Variants in TLK1 observed in about 807,000 individuals in gnomAD.
TLK1 encodes tousled like kinase 1.
Under a neutral mutation model 105.3 loss-of-function variants are expected in TLK1, and 24 were observed. That is an observed-to-expected ratio of 0.23 (90% CI 0.17 to 0.32). The LOEUF (loss-of-function observed/expected upper bound fraction) is 0.32, where lower values mean the gene tolerates loss of function less well. TLK1 is among the 10% of genes least tolerant of loss of function. The pLI, the probability that TLK1 is intolerant of heterozygous loss-of-function variation, is 1.00. For synonymous variants in TLK1, 321 were observed against 310.4 expected (o/e 1.03, Z -0.36); for missense variants, 558 against 910.5 (o/e 0.61, Z 4.98).
In TLK1 at chr2:171,160,475, C is replaced by T; in HGVS notation, c.-47G>A. 1 of 1,571,076 alleles carries T rather than the reference C, an allele frequency of 6.4e-7. No homozygotes were observed. Among genetic ancestry groups the T allele is most frequent in the Non-Finnish European group, 8.6e-7 (1 of 1,163,304 alleles). On this transcript the variant is annotated 5_prime_UTR_variant, in exon 1 of 21. Transcript: ENST00000431350. The surrounding 1 kb of genome is among the most constrained non-coding windows in gnomAD (Gnocchi z 4.4). ...GACTCCCCCCCTGCGACGGCAGCGG[C>T]GGCAACGGCACCGGCACCCGCCTCC...
At chr2:171,140,833 G>C (rs968357189) in intron 1 of TLK1, among the ~76,000 whole-genome samples, 8 of 152,124 alleles carry the variant, frequency 5.3e-5, no homozygotes, top group Non-Finnish European at 1.0e-4. Flanking sequence ...AAGGTATCTA[G>C]ATAATTAAGT....
At chr2:171,172,162 A>G (rs1692742316) in intron 1 of TLK1, among the ~76,000 whole-genome samples, 1 of 152,264 alleles carries the variant, frequency 6.6e-6, no homozygotes, top group African/African-American at 2.4e-5. Context: ...GAAGATAGAC[A>G]TGAAAGATTA....
chr2:171,022,326 C>G lies in TLK1; in HGVS notation c.1236+6013G>C, dbSNP rs527444191. On this transcript the variant is annotated intron_variant, in intron 12 of 20. Coordinates refer to ENST00000431350, the MANE Select transcript of TLK1 (RefSeq NM_012290.5). Reference sequence around the variant, plus strand: ...TAGTTCCATGTTCTCTCACCACAGTCATCTTTTTGGGACAACTACTCATTT... The same window carrying G: ...TAGTTCCATGTTCTCTCACCACAGTGATCTTTTTGGGACAACTACTCATTT... Among the ~76,000 whole-genome samples the G allele has an allele frequency of 9.1e-4, 139 of 152,140 alleles. 4 individuals carry two copies. In the South Asian group the frequency reaches 0.028, roughly 31 times the overall value.
chr2:171,187,908 CAG>C, intron 1 of TLK1, among the ~76,000 whole-genome samples: 1 of 152,154 alleles, frequency 6.6e-6, no homozygotes, highest in Middle Eastern at 3.4e-3. Context: ...AATAAAAGAA[CAG>C]AGTGGTATAT....
intron 12 of TLK1, among the ~76,000 whole-genome samples, chr2:171,016,499 C>CACT (rs1685219648): frequency 1.3e-5 from 2 of 152,150 alleles, no homozygotes; most frequent in South Asian, 4.1e-4. Context: ...AATGTGTACC[C>CACT]ACTAGAATTA....
chr2:171,126,620 G>A (rs1379754743), intron 1 of TLK1, among the ~76,000 whole-genome samples: 3 of 152,128 alleles, frequency 2.0e-5, no homozygotes, highest in East Asian at 1.9e-4. Context: ...GTTAATACCA[G>A]TTACCAAAAA....
At chr2:171,085,576 TGACATAAGCTATTCAAG>T (rs1048146693) in intron 2 of TLK1, among the ~76,000 whole-genome samples, 1 of 151,534 alleles carries the variant, frequency 6.6e-6, no homozygotes, top group African/African-American at 2.4e-5. Flanking sequence ...AAAAATGGAG[TGACATAAGCTATTCAAG>T]GAAAGAAAAT....
At chr2:171,133,358 A>G (rs1691180393) in intron 1 of TLK1, among the ~76,000 whole-genome samples, 1 of 152,214 alleles carries the variant, frequency 6.6e-6, no homozygotes, top group South Asian at 2.1e-4. Context: ...GCACTTTGGA[A>G]GGCTGAGGAG....
Position 171,180,238 on chromosome 2 carries a change from C to T in TLK1, c.-6+50907G>A, listed in dbSNP as rs60421398. Among the ~76,000 whole-genome samples, 1,204 of 151,940 alleles carry T rather than the reference C, an allele frequency of 7.9e-3. 14 individuals are homozygous for T. The highest frequency in any genetic ancestry group is 0.028 in the African/African-American group (1,161 of 41,422). ...ACTTTGTCTAAAAAAAAAAAATTGC[C>T]CCCCGGGTCCCTGCGTCTCAATAGG... On this transcript the variant is annotated intron_variant, in intron 1 of 20. Transcript: ENST00000521943.
At chr2:171,089,450 T>A (rs1689127501) in intron 2 of TLK1, among the ~76,000 whole-genome samples, 1 of 152,228 alleles carries the variant, frequency 6.6e-6, no homozygotes, top group South Asian at 2.1e-4. Flanking sequence ...TTTTCTATCA[T>A]GATAAGAGTT....
At chr2:171,126,792 T>A (rs990627633) in intron 1 of TLK1, among the ~76,000 whole-genome samples, 7 of 151,924 alleles carry the variant, frequency 4.6e-5, no homozygotes, top group Admixed American at 2.0e-4. Flanking sequence ...ATAAGCTGAT[T>A]TATAGAGAAC....
intron 1 of TLK1, among the ~76,000 whole-genome samples, chr2:171,216,676 C>T (rs6724085): frequency 0.29 from 43,801 of 151,910 alleles, 7,590 homozygotes; most frequent in African/African-American, 0.47. Flanking sequence ...AGAAGTAGGG[C>T]CATTATAGTT....
chr2:171,016,937 G>T (rs1056913176), intron 12 of TLK1, among the ~76,000 whole-genome samples: 3 of 152,088 alleles, frequency 2.0e-5, no homozygotes, highest in African/African-American at 7.2e-5. Context: ...CTTTCTACAA[G>T]TATTGGGAGA....
chr2:171,196,870 A>G (rs370496233), intron 1 of TLK1, among the ~76,000 whole-genome samples: 11 of 152,364 alleles, frequency 7.2e-5, no homozygotes, highest in African/African-American at 2.6e-4. Context: ...CTATATGAAT[A>G]TAGCTCTAAA....
chr2:171,073,473 T>C (rs1688353630), intron 3 of TLK1, among the ~76,000 whole-genome samples: 1 of 152,144 alleles, frequency 6.6e-6, no homozygotes, highest in Non-Finnish European at 1.5e-5. Flanking sequence ...GGAGCCTGGC[T>C]ACTCAAACAT....
At chr2:171,221,628 A>T (rs1693811982) in intron 1 of TLK1, among the ~76,000 whole-genome samples, 2 of 152,166 alleles carry the variant, frequency 1.3e-5, no homozygotes, top group South Asian at 2.1e-4. Flanking sequence ...TTAACGAGTG[A>T]CTTAAACAAC....
At position 171,152,556 on chromosome 2, in the gene TLK1, TAAAAC is replaced by T. The variant is rs534703908; in HGVS notation, c.139+7729_139+7733del. 1.7e-3 allele frequency among the ~76,000 whole-genome samples: 252 copies of T among 152,272 alleles called. 1 individual carries two copies. The highest frequency in any genetic ancestry group is 3.4e-3 in the Middle Eastern group (1 of 294). On this transcript the variant is annotated intron_variant, in intron 1 of 20. Transcript: ENST00000431350. ...TTGTTGTTGTTAGCAATAAAAGAAT[TAAAAC>T]TAAGTATTTTTTTAAAATACTTTTT... is the stretch of plus-strand genomic sequence containing the variant.
chr2:171,029,315 A>C (rs551939537), intron 11 of TLK1, among the ~76,000 whole-genome samples: 2 of 152,214 alleles, frequency 1.3e-5, no homozygotes, highest in Admixed American at 6.5e-5. Context: ...AAGATAAAAA[A>C]ATGCTAAAAC....
chr2:171,042,843 A>G (rs745883109), intron 11 of TLK1, among the ~76,000 whole-genome samples: 2 of 152,210 alleles, frequency 1.3e-5, no homozygotes, highest in Non-Finnish European at 2.9e-5. Context: ...GCAAGAAAGC[A>G]CAGTCCATTT....
Sources: allele counts gnomAD v4.1 joint callset (sites outside exome capture counted in the v4.1 genomes callset), GRCh38; gene constraint gnomAD v4.1.1; non-coding constraint Gnocchi (gnomAD v3.1); transcripts MANE v1.5; gene names NCBI Gene and HGNC (gene_info 2026-07-23, HGNC 2026-07-21).